PPP2R2B: variants seen among roughly 807,000 people sequenced by gnomAD.
The protein encoded by PPP2R2B is protein phosphatase 2 regulatory subunit Bbeta.
Under a neutral mutation model 46.0 loss-of-function variants are expected in PPP2R2B, and 5 were observed. The ratio of observed to expected loss-of-function variants is 0.11; its 90% confidence interval spans 0.06 to 0.23. The LOEUF (loss-of-function observed/expected upper bound fraction) is 0.23, where lower values mean the gene tolerates loss of function less well. Among genes scored for constraint, PPP2R2B ranks in the 10% least tolerant of loss-of-function variants. The pLI is 1.00. For missense variants in PPP2R2B, 367 were observed against 575.0 expected, an observed-to-expected ratio of 0.64 and a Z score of 3.70; for synonymous variants, 215 against 206.7, an observed-to-expected ratio of 1.04 and a Z score of -0.34.
intron 2 of PPP2R2B, among the ~76,000 whole-genome samples, chr5:146,739,859 A>G (rs558832920): frequency 2.0e-5 from 3 of 152,310 alleles, no homozygotes; most frequent in South Asian, 4.1e-4. Context: ...ACTTATTTTA[A>G]TGAATAATGT....
intron 2 of PPP2R2B, chr5:146,856,400 TTG>T: frequency 1.1e-6 from 1 of 877,914 alleles, no homozygotes; most frequent in Non-Finnish European, 1.8e-6. Context: ...GTAAATTAAC[TTG>T]TGTCCCACGG....
At chr5:146,676,891 T>G (rs1777760930) in intron 5 of PPP2R2B, among the ~76,000 whole-genome samples, 1 of 152,190 alleles carries the variant, frequency 6.6e-6, no homozygotes, top group Non-Finnish European at 1.5e-5. Context: ...CGTCAAGTAG[T>G]GCAACGGCAT....
chr5:147,009,138 A>G (rs1439522127), intron 1 of PPP2R2B, among the ~76,000 whole-genome samples: 1 of 152,168 alleles, frequency 6.6e-6, no homozygotes, highest in Non-Finnish European at 1.5e-5. Flanking sequence ...GAAGATCAAG[A>G]AAAACTACAC....
intron 5 of PPP2R2B, among the ~76,000 whole-genome samples, chr5:146,662,360 T>G (rs1336800304): frequency 6.6e-6 from 1 of 152,212 alleles, no homozygotes; most frequent in Non-Finnish European, 1.5e-5. Flanking sequence ...TAGTAATTAC[T>G]AGCAACACTT....
chr5:146,602,210 A>G (rs1414232544), intron 7 of PPP2R2B, among the ~76,000 whole-genome samples: 1 of 152,122 alleles, frequency 6.6e-6, no homozygotes, highest in Non-Finnish European at 1.5e-5. Flanking sequence ...ATCATTTTTC[A>G]CATTATTATT....
At chr5:146,684,168 A>G (rs927821439) in intron 5 of PPP2R2B, among the ~76,000 whole-genome samples, 1 of 152,214 alleles carries the variant, frequency 6.6e-6, no homozygotes, top group African/African-American at 2.4e-5. Context: ...AGATGAAACC[A>G]TAAAAGGATT....
chr5:146,770,748 A>G (rs1413223601), intron 2 of PPP2R2B, among the ~76,000 whole-genome samples: 1 of 152,144 alleles, frequency 6.6e-6, no homozygotes, highest in Non-Finnish European at 1.5e-5. Context: ...TTGAGAATGC[A>G]TGGGAGCTGT....
At chr5:146,901,539 A>G (rs1217194282) in intron 1 of PPP2R2B, among the ~76,000 whole-genome samples, 1 of 152,008 alleles carries the variant, frequency 6.6e-6, no homozygotes, top group East Asian at 1.9e-4. Context: ...ACTCCCCTAC[A>G]TTTCCAATGC....
At chr5:146,726,147 A>T (rs1751848294) in intron 2 of PPP2R2B, among the ~76,000 whole-genome samples, 1 of 152,134 alleles carries the variant, frequency 6.6e-6, no homozygotes, top group African/African-American at 2.4e-5. Context: ...GAGGAGGAGG[A>T]ACAAAAAGCA....
At chr5:146,702,469 T>C (rs929063382) in intron 2 of PPP2R2B, among the ~76,000 whole-genome samples, 1 of 152,206 alleles carries the variant, frequency 6.6e-6, no homozygotes, top group Non-Finnish European at 1.5e-5. Flanking sequence ...TACAAAGGCC[T>C]GCAGGGCCAC....
At chr5:146,711,945 T>G (rs2151182546) in intron 2 of PPP2R2B, among the ~76,000 whole-genome samples, 1 of 152,312 alleles carries the variant, frequency 6.6e-6, no homozygotes, top group South Asian at 2.1e-4. Context: ...AGCCATATCC[T>G]TGCATGCAAT....
chr5:146,641,898 T>C (rs1314690759), intron 6 of PPP2R2B, among the ~76,000 whole-genome samples: 1 of 152,184 alleles, frequency 6.6e-6, no homozygotes, highest in Non-Finnish European at 1.5e-5. Context: ...TATTTCCCTG[T>C]TGTCCCAAAT....
At chr5:146,670,641 A>G (rs1375422198) in intron 5 of PPP2R2B, among the ~76,000 whole-genome samples, 2 of 151,974 alleles carry the variant, frequency 1.3e-5, no homozygotes, top group African/African-American at 4.8e-5. Flanking sequence ...GACTACATGC[A>G]TGTGCCACCA....
At chr5:146,680,582 TA>T (rs34538093) in intron 5 of PPP2R2B, among the ~76,000 whole-genome samples, 29,772 of 147,980 alleles carry the variant, frequency 0.2, 3,498 homozygotes, top group African/African-American at 0.34. Context: ...TGCACACACT[TA>T]AAAAAAAAAA....
chr5:146,977,372 ATATTAT>A (rs989901360), intron 1 of PPP2R2B, among the ~76,000 whole-genome samples: 2 of 150,908 alleles, frequency 1.3e-5, no homozygotes, highest in South Asian at 2.1e-4. Context: ...GTCTCTTTTA[ATATTAT>A]TATTATTATT....
chr5:146,701,289 A>G, intron 2 of PPP2R2B, 147 bp from the exon 3 acceptor site: 1 of 825,236 alleles, frequency 1.2e-6, no homozygotes, highest in Non-Finnish European at 2.1e-6. Flanking sequence ...TGGGTTTTAA[A>G]TGCCACCAGA....
intron 7 of PPP2R2B, among the ~76,000 whole-genome samples, chr5:146,603,786 G>A (rs1581693040): frequency 6.6e-6 from 1 of 152,128 alleles, no homozygotes; most frequent in Non-Finnish European, 1.5e-5. Context: ...TAGGAATTAT[G>A]ATTCTTCATT....
intron 1 of PPP2R2B, among the ~76,000 whole-genome samples, chr5:146,931,467 C>T (rs796881321): frequency 6.6e-6 from 1 of 152,188 alleles, no homozygotes; most frequent in East Asian, 1.9e-4. Flanking sequence ...TCAACTTAAC[C>T]CCAGTCAAGG....
intron 2 of PPP2R2B, among the ~76,000 whole-genome samples, chr5:146,859,974 A>C (rs1462937536): frequency 6.6e-6 from 1 of 152,220 alleles, no homozygotes; most frequent in Admixed American, 6.5e-5. Flanking sequence ...ATTTAGCACT[A>C]TTAAGTGTTT....
Sources: gnomAD v4.1 joint callset for allele counts (sites outside exome capture counted in the v4.1 genomes callset) on GRCh38, gnomAD v4.1.1 for gene constraint, MANE v1.5 for transcripts, NCBI Gene and HGNC (gene_info 2026-07-23, HGNC 2026-07-21) for gene names.